The following GABBR2 variants were observed in gnomAD, a reference collection of about 807,000 sequenced individuals.
GABBR2 encodes the protein gamma-aminobutyric acid type B receptor subunit 2, also known as G-protein coupled receptor 51.
GABBR2 carries 23 observed loss-of-function variants against 105.6 expected under a neutral mutation model. The observed-to-expected ratio is 0.22, with a 90% CI of 0.16 to 0.31. The LOEUF (loss-of-function observed/expected upper bound fraction) is 0.31. GABBR2 is among the 10% of genes least tolerant of loss of function. The pLI is 1.00. For missense variants in GABBR2, 734 were observed against 1,245.5 expected, an observed-to-expected ratio of 0.59 and a Z score of 6.18; for synonymous variants, 478 against 499.7, an observed-to-expected ratio of 0.96 and a Z score of 0.58.
chr9:98,366,333 G>A (rs930242248), intron 12 of GABBR2, among the ~76,000 whole-genome samples: 6 of 152,150 alleles, frequency 3.9e-5, no homozygotes, highest in East Asian at 3.8e-4. Context: ...AGCCTTGCTC[G>A]TTTAAATGAG....
intron 3 of GABBR2, among the ~76,000 whole-genome samples, chr9:98,498,549 C>A (rs941653757): frequency 2.0e-5 from 3 of 152,200 alleles, no homozygotes; most frequent in African/African-American, 7.2e-5. Context: ...GAGCTGCCAT[C>A]TTTTATTTCT....
chr9:98,455,580 G>A (rs966266417), intron 6 of GABBR2, among the ~76,000 whole-genome samples: 1 of 152,206 alleles, frequency 6.6e-6, no homozygotes, highest in African/African-American at 2.4e-5. Flanking sequence ...GAGGGGGGGC[G>A]CGGCACCAGA....
chr9:98,653,352 CG>C (rs1174678360), intron 1 of GABBR2, among the ~76,000 whole-genome samples: 1 of 152,134 alleles, frequency 6.6e-6, no homozygotes, highest in Non-Finnish European at 1.5e-5. Context: ...ATACAGACAA[CG>C]GGATCCTTTC....
chr9:98,479,340 A>G (rs144585292), intron 5 of GABBR2, among the ~76,000 whole-genome samples: 194 of 152,250 alleles, frequency 1.3e-3, no homozygotes, highest in African/African-American at 4.4e-3. Context: ...TTGCTCAACA[A>G]TCTTATCAGA....
chr9:98,657,202 G>T (rs887989810), intron 1 of GABBR2, among the ~76,000 whole-genome samples: 10 of 152,292 alleles, frequency 6.6e-5, no homozygotes, highest in African/African-American at 2.4e-4. Context: ...CATCTTTAGG[G>T]CTTTACCCAG....
chr9:98,433,500 G>C (rs1403495770), intron 7 of GABBR2, among the ~76,000 whole-genome samples: 1 of 152,134 alleles, frequency 6.6e-6, no homozygotes, highest in Non-Finnish European at 1.5e-5. Flanking sequence ...TTTCAAGCTA[G>C]CCTCTACCTT....
intron 2 of GABBR2, among the ~76,000 whole-genome samples, chr9:98,572,054 G>A (rs879112636): frequency 3.3e-5 from 5 of 152,122 alleles, no homozygotes; most frequent in Admixed American, 3.3e-4. Context: ...TGCCCTAGTG[G>A]GTTCCTCCCA....
chr9:98,378,637 C>T (rs1831919456), intron 11 of GABBR2, among the ~76,000 whole-genome samples: 1 of 152,186 alleles, frequency 6.6e-6, no homozygotes, highest in Non-Finnish European at 1.5e-5. Flanking sequence ...CCCTTCTAGA[C>T]CCGCTGCATT....
At chr9:98,467,250 G>C (rs933776775) in intron 6 of GABBR2, among the ~76,000 whole-genome samples, 1 of 152,160 alleles carries the variant, frequency 6.6e-6, no homozygotes, top group Non-Finnish European at 1.5e-5. Context: ...GGGGAGGAGA[G>C]GTATGGATGT....
At chr9:98,343,653 T>C (rs1197353690) in intron 13 of GABBR2, among the ~76,000 whole-genome samples, 1 of 151,212 alleles carries the variant, frequency 6.6e-6, no homozygotes, top group African/African-American at 2.4e-5. Flanking sequence ...AGGTCAGGAG[T>C]TTGAGACCAG....
intron 3 of GABBR2, among the ~76,000 whole-genome samples, chr9:98,530,117 C>A (rs1828037442): frequency 6.6e-6 from 1 of 152,240 alleles, no homozygotes; most frequent in African/African-American, 2.4e-5. Context: ...ACTGCCCTGT[C>A]AGCCAAGAGG....
Position 98,679,168 on chromosome 9 carries a change from A to G in GABBR2, c.321+29249T>C, listed in dbSNP as rs1405851606. 3.9e-5 allele frequency among the ~76,000 whole-genome samples: 6 copies of G among 152,336 alleles called. No individual in the cohort carries two copies. In the East Asian group the frequency reaches 9.7e-4, roughly 25 times the overall value. ...GATGCTCATGACTTCTGCCCAGTCC[A>G]GTCCCCAAAGATGACGACAATTCAA... On this transcript the variant is annotated intron_variant, in intron 1 of 18. Transcript: ENST00000259455.
At chr9:98,361,434 C>A (rs1267144073) in intron 13 of GABBR2, among the ~76,000 whole-genome samples, 1 of 152,194 alleles carries the variant, frequency 6.6e-6, no homozygotes, top group African/African-American at 2.4e-5. Flanking sequence ...CTCAGGGGCC[C>A]AGTTAGCCAA....
At chr9:98,430,708 C>T (rs1537957) in intron 7 of GABBR2, among the ~76,000 whole-genome samples, 83,959 of 151,798 alleles carry the variant, frequency 0.55, 26,040 homozygotes, top group Non-Finnish European at 0.7. Flanking sequence ...AGTGCTCTGC[C>T]TGCAAACTTC....
chr9:98,534,474 C>T (rs1410399905), intron 3 of GABBR2, among the ~76,000 whole-genome samples: 1 of 152,150 alleles, frequency 6.6e-6, no homozygotes, highest in Non-Finnish European at 1.5e-5. Context: ...ATAACAGCTG[C>T]CCCTTGCATG....
At position 98,306,555 on chromosome 9, in the gene GABBR2, G is replaced by A; in HGVS notation, c.2005-210C>T. ...AGTCCTGCTGAGCAAATGCAGACTGGGGATGTGACAGCTGTCCAGTTCTCC... is the reference window on the plus strand; with the variant it reads ...AGTCCTGCTGAGCAAATGCAGACTGAGGATGTGACAGCTGTCCAGTTCTCC... On this transcript the variant is annotated intron_variant, in intron 14 of 18. Coordinates refer to ENST00000259455, the MANE Select transcript of GABBR2 (RefSeq NM_005458.8). The surrounding 1 kb of genome is among the most constrained non-coding windows in gnomAD (Gnocchi z 5.4). The A allele has an allele frequency of 1.7e-6, 1 of 592,304 alleles. No homozygotes were observed. The allele number at this position is 592,304 out of a possible 1,614,324, so 36.7% of individuals were successfully genotyped here.
At chr9:98,528,255 T>C (rs1404207743) in intron 3 of GABBR2, among the ~76,000 whole-genome samples, 1 of 152,118 alleles carries the variant, frequency 6.6e-6, no homozygotes, top group Admixed American at 6.5e-5. Context: ...CAGAAAAAGA[T>C]ATATTAAGTG....
chr9:98,398,113 T>C (rs1832326509), intron 8 of GABBR2, among the ~76,000 whole-genome samples: 1 of 152,166 alleles, frequency 6.6e-6, no homozygotes, highest in Admixed American at 6.5e-5. Flanking sequence ...CCAATTTTAT[T>C]TGGGGTGGGT....
chr9:98,527,871 A>T (rs1827991148), intron 3 of GABBR2, among the ~76,000 whole-genome samples: 1 of 152,192 alleles, frequency 6.6e-6, no homozygotes, highest in African/African-American at 2.4e-5. Context: ...AAACTATATT[A>T]TAAAGGAGCC....
Sources: allele counts gnomAD v4.1 joint callset (sites outside exome capture counted in the v4.1 genomes callset), GRCh38; gene constraint gnomAD v4.1.1; non-coding constraint Gnocchi (gnomAD v3.1); transcripts MANE v1.5; gene names NCBI Gene and HGNC (gene_info 2026-07-23, HGNC 2026-07-21).